Variants in NOX1 observed in about 807,000 individuals in gnomAD.
The protein encoded by NOX1 is NADH/NADPH mitogenic oxidase subunit P65-MOX.
Under a neutral mutation model 42.5 loss-of-function variants are expected in NOX1, and 34 were observed. The ratio of observed to expected loss-of-function variants is 0.80; its 90% CI spans 0.61 to 1.07. The LOEUF is 1.07. NOX1 is among the 50% of genes least tolerant of loss of function. The probability of loss-of-function intolerance (pLI) is 0.00; values close to 1 mark genes in which losing one functional copy is unlikely to be tolerated. For missense variants in NOX1, 408 were observed against 427.0 expected (o/e 0.96, Z 0.39); for synonymous variants, 143 against 152.5 (o/e 0.94, Z 0.46).
intron 11 of NOX1, 90 bp from the exon 12 acceptor site, chrX:100,848,844 G>C: frequency 1.1e-6 from 1 of 950,733 alleles, no homozygotes; most frequent in Non-Finnish European, 1.4e-6. Context: ...GGGAGGCCGA[G>C]GTGGGTGGAT....
chrX:100,866,488 CTGTGTGTGTGTGTG>C (rs36112590), intron 2 of NOX1, among the ~76,000 whole-genome samples: 1 of 96,671 alleles, frequency 1.0e-5, no homozygotes, highest in Admixed American at 1.2e-4. Flanking sequence ...GTGTGTGTCC[CTGTGTGTGTGTGTG>C]TGTGTGTGTG....
At chrX:100,856,365 A>T in intron 7 of NOX1, 1 of 542,954 alleles carries the variant, frequency 1.8e-6, no homozygotes. Context: ...TCTTTAGGAG[A>T]CTCTGACTTA....
intron 8 of NOX1, 100 bp downstream of exon 8, chrX:100,851,133 T>C (rs2085111491): frequency 1.9e-6 from 1 of 518,963 alleles, no homozygotes; most frequent in African/African-American, 2.4e-5. Flanking sequence ...TGTGCCCAGT[T>C]TCCAAGTTCC....
intron 7 of NOX1, among the ~76,000 whole-genome samples, chrX:100,853,322 C>CTT (rs1477561382): frequency 0.065 from 1,401 of 21,648 alleles, 32 homozygotes; most frequent in African/African-American, 0.12. Context: ...TTCTTTCTTT[C>CTT]TCTCTCTTTC....
At chrX:100,845,092 T>A (rs1337575888) in intron 12 of NOX1, among the ~76,000 whole-genome samples, 1 of 111,832 alleles carries the variant, frequency 8.9e-6, no homozygotes, top group Non-Finnish European at 1.9e-5. Context: ...ATTCGCCCCT[T>A]TGAAGTGTGC....
chrX:100,862,812 T>C lies in NOX1; in HGVS notation c.346A>G (p.Ile116Val), dbSNP rs1424605404. The change falls in exon 5 of 13, where the codon ATC becomes GTC. Residue 116 changes from isoleucine (I) to valine (V), a missense_variant. Physicochemically the swap from Ile to Val is conservative, Grantham distance 29. Transcript: ENST00000372966. Reference sequence around the variant, plus strand: ...TCAAAGTTAAACAGGTGTGCAATGATGTGAATAGCTAAATGGAAAGATGAA... The same window carrying C: ...TCAAAGTTAAACAGGTGTGCAATGACGTGAATAGCTAAATGGAAAGATGAA... ...YMICLHTAIH[I>V]IAHLFNFDCY... 1.7e-6 allele frequency: 2 copies of C among 1,197,736 alleles called. No individual in the cohort carries two copies. Among genetic ancestry groups the C allele is most frequent in the South Asian group, 3.7e-5 (2 of 54,336 alleles).
At chrX:100,868,947 G>C (rs1402797992) in intron 2 of NOX1, among the ~76,000 whole-genome samples, 5 of 110,468 alleles carry the variant, frequency 4.5e-5, no homozygotes, top group East Asian at 2.8e-4. Flanking sequence ...TTTTTCTCAG[G>C]TTTGTCAAAG....
chrX:100,846,267 G>A (rs148152749), intron 12 of NOX1, among the ~76,000 whole-genome samples: 134 of 112,235 alleles, frequency 1.2e-3, no homozygotes, highest in African/African-American at 4.2e-3. Context: ...AGTTTTCCCC[G>A]AGTGTGGTAT....
chrX:100,846,037 C>T (rs201250925), intron 12 of NOX1, among the ~76,000 whole-genome samples: 1 of 110,666 alleles, frequency 9.0e-6, no homozygotes, highest in African/African-American at 3.3e-5. Flanking sequence ...CCACCCACCT[C>T]GGCCTCCCAA....
At chrX:100,869,362 G>T (rs1438056528) in intron 2 of NOX1, among the ~76,000 whole-genome samples, 52 of 108,119 alleles carry the variant, frequency 4.8e-4, no homozygotes, top group African/African-American at 1.6e-3. Context: ...AGTTCTCCTT[G>T]AAGAGGTCCT....
intron 7 of NOX1, among the ~76,000 whole-genome samples, chrX:100,853,257 C>CTTTCTTT (rs1569445439): frequency 7.9e-5 from 2 of 25,435 alleles, no homozygotes; most frequent in Non-Finnish European, 1.4e-4. Context: ...TTCCTTCCTT[C>CTTTCTTT]CTTCCTTTCT....
intron 7 of NOX1, among the ~76,000 whole-genome samples, chrX:100,851,579 A>C (rs907687310): frequency 8.9e-6 from 1 of 112,239 alleles, no homozygotes; most frequent in Non-Finnish European, 1.9e-5. Context: ...AGAAAAGCAC[A>C]GAAATGGAAC....
At chrX:100,855,798 C>T (rs748301410) in intron 7 of NOX1, 44 of 1,093,892 alleles carry the variant, frequency 4.0e-5, no homozygotes, top group Non-Finnish European at 5.0e-5. Flanking sequence ...ACGACCACTT[C>T]GACCTCTTTG....
rs141231572 is a variant in NOX1 at position 100,849,465 on chromosome X, C to T, written c.1297-39G>A. The T allele has an allele frequency of 1.3e-4, 157 of 1,171,247 alleles. No homozygotes were observed. In the African/African-American group the frequency reaches 2.6e-3, roughly 20 times the overall value. ...GAGAGAACATAGCCTTATTAGGTGA[C>T]CTTAAAAGTCACATTTATAGAGCCG... On this transcript the variant is annotated intron_variant, in intron 10 of 12. Transcript: ENST00000372966.
chrX:100,867,051 G>A (rs1294292597), intron 2 of NOX1, among the ~76,000 whole-genome samples: 1 of 111,328 alleles, frequency 9.0e-6, no homozygotes, highest in African/African-American at 3.3e-5. Flanking sequence ...ATTTATTTTT[G>A]AGACAGAGTC....
intron 2 of NOX1, among the ~76,000 whole-genome samples, chrX:100,865,973 C>A (rs1297783218): frequency 1.8e-5 from 2 of 112,262 alleles, no homozygotes; most frequent in African/African-American, 6.5e-5. Flanking sequence ...GTAATCCTAG[C>A]ACTTTGGGAG....
rs148659340 is a variant in NOX1, at chrX:100,865,863, G to A, written c.142-2268C>T. On this transcript the variant is annotated intron_variant, in intron 2 of 12. Coordinates refer to ENST00000372966, the MANE Select transcript of NOX1 (RefSeq NM_007052.5). ...AATGCAGAGTTGGGAAGAGATGCAC[G>A]CAACTGGCATTGCAACCTGGTATGA... Among the ~76,000 whole-genome samples, 809 of 112,206 alleles carry A rather than the reference G, an allele frequency of 7.2e-3. 2 individuals are homozygous for A. Among genetic ancestry groups the A allele is most frequent in the Non-Finnish European group, 0.011 (598 of 53,254 alleles).
chrX:100,866,286 C>T (rs1289888208), intron 2 of NOX1, among the ~76,000 whole-genome samples: 1 of 110,225 alleles, frequency 9.1e-6, no homozygotes, highest in Non-Finnish European at 1.9e-5. Context: ...CAGCCAATAT[C>T]TACAAAGTGA....
At chrX:100,848,514 A>T (rs1457947672) in intron 12 of NOX1, 116 bp downstream of exon 12, 1 of 620,688 alleles carries the variant, frequency 1.6e-6, no homozygotes, top group Non-Finnish European at 2.3e-6. Flanking sequence ...CTGGTCTCGA[A>T]CTCCTGACCT....
Sources: allele counts gnomAD v4.1 joint callset (sites outside exome capture counted in the v4.1 genomes callset), GRCh38; gene constraint gnomAD v4.1.1; transcripts MANE v1.5; gene names NCBI Gene and HGNC (gene_info 2026-07-23, HGNC 2026-07-21).